Variants in SNX25 observed in about 807,000 individuals in gnomAD.
SNX25 encodes sorting nexin-25.
Under a neutral mutation model 113.7 loss-of-function variants are expected in SNX25, and 62 were observed. The observed-to-expected ratio is 0.55, with a 90% CI of 0.44 to 0.67. SNX25 has a LOEUF of 0.67. Ranked by LOEUF, SNX25 falls within the 30% of genes least tolerant of loss-of-function variation. The pLI is 0.00. For synonymous variants in SNX25, 421 were observed against 436.2 expected (o/e 0.97, Z 0.43); for missense variants, 1,014 against 1,161.0 (o/e 0.87, Z 1.84).
chr4:185,228,579 C>T (rs1741360267), intron 1 of SNX25, among the ~76,000 whole-genome samples: 1 of 151,900 alleles, frequency 6.6e-6, no homozygotes, highest in African/African-American at 2.4e-5. Flanking sequence ...CTCTATAGCC[C>T]AGGCTAGAGT....
At chr4:185,279,695 G>A (rs1419049925) in intron 5 of SNX25, among the ~76,000 whole-genome samples, 2 of 152,164 alleles carry the variant, frequency 1.3e-5, no homozygotes, top group Admixed American at 6.5e-5. Context: ...GCATTGGCAA[G>A]GGTGTAGGAA....
intron 6 of SNX25, among the ~76,000 whole-genome samples, chr4:185,300,909 C>T (rs931085203): frequency 6.7e-6 from 1 of 150,178 alleles, no homozygotes. Context: ...TCGTAACTCA[C>T]ATAGCCCTTG....
chr4:185,349,248 G>A (rs1472100530), intron 13 of SNX25, among the ~76,000 whole-genome samples: 1 of 152,130 alleles, frequency 6.6e-6, no homozygotes, highest in Non-Finnish European at 1.5e-5. Flanking sequence ...GCTGCATGTA[G>A]CCCGCGGGCT....
intron 9 of SNX25, among the ~76,000 whole-genome samples, chr4:185,328,840 G>C (rs939916288): frequency 5.3e-5 from 8 of 152,166 alleles, no homozygotes; most frequent in Non-Finnish European, 1.2e-4. Flanking sequence ...ACAGGTAACA[G>C]GTAGAGAAGG....
chr4:185,361,075 T>C (rs1265137327), intron 16 of SNX25, among the ~76,000 whole-genome samples: 1 of 152,140 alleles, frequency 6.6e-6, no homozygotes, highest in African/African-American at 2.4e-5. Context: ...ATTTTGAAAT[T>C]GGCCACATAG....
intron 2 of SNX25, among the ~76,000 whole-genome samples, chr4:185,257,053 C>T (rs59914254): frequency 6.6e-6 from 1 of 151,758 alleles, no homozygotes; most frequent in South Asian, 2.1e-4. Flanking sequence ...TGAAGTAGAT[C>T]TGGTTCACGT....
chr4:185,251,676 C>T (rs1257685406), intron 2 of SNX25, among the ~76,000 whole-genome samples: 6 of 151,512 alleles, frequency 4.0e-5, no homozygotes, highest in East Asian at 1.9e-4. Context: ...AGTGGACACT[C>T]GGGTTGCTTT....
In SNX25 at chr4:185,332,172, G is replaced by T. The variant is rs572820728; in HGVS notation, c.1750-423G>T. 3.3e-5 allele frequency among the ~76,000 whole-genome samples: 5 copies of T among 152,342 alleles called. No homozygotes were observed. The South Asian group carries it at 1.0e-3, about 32-fold the overall frequency. ...AAATACTTTCACTCATGGGAATATG[G>T]TAATTTTCTTTTAGAGGGGCTTGCA... On this transcript the variant is annotated intron_variant, in intron 9 of 18. Coordinates refer to ENST00000652585, the MANE Select transcript of SNX25 (RefSeq NM_001378034.2).
intron 12 of SNX25, among the ~76,000 whole-genome samples, chr4:185,345,596 A>G (rs2095281740): frequency 6.6e-6 from 1 of 152,014 alleles, no homozygotes; most frequent in South Asian, 2.1e-4. Context: ...GGAGTTTGAG[A>G]CTGGCCTGGA....
rs769599532 is a variant in SNX25, at chr4:185,342,108, C to T, written c.2179C>T (p.Leu727Phe). The change falls in exon 12 of 19, where the codon CTC becomes TTC. Residue 727 changes from leucine (L) to phenylalanine (F), a missense_variant. By Grantham distance (22) the Leu-to-Phe change is conservative (BLOSUM62 0). Transcript: ENST00000652585. ...CGAGTTTCAGAATTTACACCGGAAA[C>T]TCAGTGAGGTATGAATACTCATGAA... ...LSEFQNLHRK[L>F]SECVPSLKKV... 6.3e-7 allele frequency: 1 copy of T among 1,597,902 alleles called. No individual in the cohort carries two copies. Among genetic ancestry groups the T allele is most frequent in the East Asian group, 2.3e-5 (1 of 44,200 alleles).
intron 16 of SNX25, among the ~76,000 whole-genome samples, chr4:185,360,128 T>C (rs577926477): frequency 1.3e-5 from 2 of 152,364 alleles, no homozygotes; most frequent in East Asian, 3.9e-4. Context: ...ACTTAGATGA[T>C]GACCTTTATT....
chr4:185,324,640 C>A (rs1049394489), intron 9 of SNX25, among the ~76,000 whole-genome samples: 3 of 151,968 alleles, frequency 2.0e-5, no homozygotes, highest in Admixed American at 2.0e-4. Flanking sequence ...AGGGTTGGAA[C>A]GTTTCTAGTT....
intron 1 of SNX25, among the ~76,000 whole-genome samples, chr4:185,235,074 C>G (rs1742415454): frequency 6.6e-6 from 1 of 152,150 alleles, no homozygotes; most frequent in Non-Finnish European, 1.5e-5. Context: ...GGTTTCATAT[C>G]CCTTCATAGG....
chr4:185,251,521 A>G (rs13105469), intron 2 of SNX25, among the ~76,000 whole-genome samples: 51,862 of 151,468 alleles, frequency 0.34, 10,703 homozygotes, highest in East Asian at 0.57. Context: ...TATTTTACTT[A>G]ATGTCCTCAG....
At chr4:185,282,502 A>C (rs1285916171) in intron 5 of SNX25, among the ~76,000 whole-genome samples, 1 of 152,158 alleles carries the variant, frequency 6.6e-6, no homozygotes, top group Non-Finnish European at 1.5e-5. Flanking sequence ...GATGACTTTG[A>C]AGTGCTGCGT....
intron 5 of SNX25, among the ~76,000 whole-genome samples, chr4:185,285,211 TAGTC>T (rs1181546084): frequency 4.6e-5 from 7 of 152,326 alleles, no homozygotes; most frequent in African/African-American, 7.2e-5. Flanking sequence ...TTTTAAAAAT[TAGTC>T]TGTCATAAAC....
At chr4:185,365,746 G>C (rs1212996218), downstream of SNX25, 1 of 151,374 alleles carries the variant, frequency 6.6e-6, no homozygotes, top group Non-Finnish European at 1.5e-5. Context: ...GTGTGGAGAA[G>C]AGAATACTAG....
chr4:185,246,514 A>G (rs561960402), intron 1 of SNX25, among the ~76,000 whole-genome samples: 1 of 151,992 alleles, frequency 6.6e-6, no homozygotes, highest in East Asian at 1.9e-4. Context: ...TCATACATTT[A>G]TTGGTCATTT....
chr4:185,260,676 A>G (rs999775130), intron 3 of SNX25, among the ~76,000 whole-genome samples: 5 of 152,228 alleles, frequency 3.3e-5, no homozygotes, highest in Non-Finnish European at 7.3e-5. Context: ...CACATCATGT[A>G]GCTTGAGGAA....
Sources: allele counts gnomAD v4.1 joint callset (sites outside exome capture counted in the v4.1 genomes callset), GRCh38; gene constraint gnomAD v4.1.1; transcripts MANE v1.5; gene names NCBI Gene and HGNC (gene_info 2026-07-23, HGNC 2026-07-21).